Variants in TAFA2 observed in about 807,000 individuals in gnomAD.
The protein encoded by TAFA2 is TAFA chemokine like family member 2.
TAFA2 carries 7 observed loss-of-function variants against 18.8 expected under a neutral mutation model. The ratio of observed to expected loss-of-function variants is 0.37; its 90% CI spans 0.21 to 0.70. The LOEUF is 0.70. Among genes scored for constraint, TAFA2 ranks in the 30% least tolerant of loss-of-function variants. The pLI is 0.53. For synonymous variants in TAFA2, 60 were observed against 54.2 expected (o/e 1.11, Z -0.47); for missense variants, 122 against 158.1 (o/e 0.77, Z 1.23).
At position 61,913,832 on chromosome 12, in the gene TAFA2, G is replaced by T. The variant is rs892558858; in HGVS notation, c.-1-46406C>A. ...GAAGAAGATTCCAGGACAGTCAGACGACAGGAGACACTGGGTGTGATATAT... is the reference window on the plus strand; with the variant it reads ...GAAGAAGATTCCAGGACAGTCAGACTACAGGAGACACTGGGTGTGATATAT... On this transcript the variant is annotated intron_variant, in intron 1 of 4. Transcript: ENST00000416284. Among the ~76,000 whole-genome samples the T allele has an allele frequency of 3.3e-5, 5 of 152,128 alleles. No individual in the cohort carries two copies. The South Asian group carries it at 1.0e-3, about 31-fold the overall frequency.
intron 1 of TAFA2, among the ~76,000 whole-genome samples, chr12:62,236,214 C>T (rs143249216): frequency 2.4e-4 from 37 of 151,454 alleles, no homozygotes; most frequent in East Asian, 2.1e-3. Context: ...TGAATTTATG[C>T]GTGTATTTAC....
chr12:61,907,005 G>A (rs1876385616), intron 1 of TAFA2, among the ~76,000 whole-genome samples: 1 of 152,044 alleles, frequency 6.6e-6, no homozygotes, highest in African/African-American at 2.4e-5. Context: ...TATTCACAAA[G>A]ACATGGTTTG....
chr12:61,991,878 G>A (rs1225675009), intron 1 of TAFA2, among the ~76,000 whole-genome samples: 2 of 152,152 alleles, frequency 1.3e-5, no homozygotes, highest in African/African-American at 4.8e-5. Flanking sequence ...CATCTATTCA[G>A]CAGAATTTGA....
intron 1 of TAFA2, chr12:62,021,474 CT>C (rs34094332): frequency 0.015 from 6,277 of 410,674 alleles, 31 homozygotes; most frequent in African/African-American, 0.037. Flanking sequence ...CTGCATCATT[CT>C]TTTTTTTTTT....
At chr12:62,144,752 G>A (rs1032141434) in intron 1 of TAFA2, among the ~76,000 whole-genome samples, 4 of 152,180 alleles carry the variant, frequency 2.6e-5, no homozygotes, top group Admixed American at 1.3e-4. Context: ...CTATGTCATA[G>A]GATGCCACCA....
At chr12:61,856,278 G>A (rs2121178291) in intron 2 of TAFA2, among the ~76,000 whole-genome samples, 1 of 151,916 alleles carries the variant, frequency 6.6e-6, no homozygotes, top group South Asian at 2.1e-4. Flanking sequence ...TTAAACTACT[G>A]ACTGTTAATT....
rs900138527 is a variant in TAFA2 at position 61,934,461 on chromosome 12, A to G, written c.-1-67035T>C. On this transcript the variant is annotated intron_variant, in intron 1 of 4. Coordinates refer to ENST00000416284, the MANE Select transcript of TAFA2 (RefSeq NM_178539.5). ...CTGGGAGAAAGCCGACAACTAACTC[A>G]CCAGGAATTAATGTTGAGTCCAAAC... is the stretch of plus-strand genomic sequence containing the variant. Among the ~76,000 whole-genome samples, 27 of 152,340 alleles carry G rather than the reference A, an allele frequency of 1.8e-4. 2 individuals carry two copies. The highest frequency in any genetic ancestry group is 1.6e-3 in the Admixed American group (24 of 15,302).
chr12:61,836,910 T>C (rs1027476930), intron 2 of TAFA2, among the ~76,000 whole-genome samples: 1 of 151,284 alleles, frequency 6.6e-6, no homozygotes, highest in Non-Finnish European at 1.5e-5. Context: ...TTGAAAAAGA[T>C]TTTTAACATA....
intron 2 of TAFA2, among the ~76,000 whole-genome samples, chr12:61,858,540 A>C (rs911730836): frequency 6.6e-6 from 1 of 152,146 alleles, no homozygotes; most frequent in Non-Finnish European, 1.5e-5. Flanking sequence ...TTATATTAGT[A>C]TTAACAAATA....
chr12:61,772,496 T>G (rs1027152532), intron 2 of TAFA2, among the ~76,000 whole-genome samples: 8 of 151,712 alleles, frequency 5.3e-5, no homozygotes, highest in African/African-American at 1.5e-4. Context: ...AACAGCATTA[T>G]CAAAAAGATA....
At chr12:62,210,886 GTTAA>G (rs1361873278) in intron 1 of TAFA2, among the ~76,000 whole-genome samples, 3 of 152,228 alleles carry the variant, frequency 2.0e-5, no homozygotes, top group Non-Finnish European at 4.4e-5. Context: ...TAAGGTAGAA[GTTAA>G]TTAGACAGGG....
chr12:62,094,305 G>T (rs1027684504), intron 1 of TAFA2, among the ~76,000 whole-genome samples: 7 of 151,984 alleles, frequency 4.6e-5, no homozygotes, highest in Admixed American at 6.6e-5. Flanking sequence ...GCCTAAGAAT[G>T]ATATAATGGA....
intron 1 of TAFA2, among the ~76,000 whole-genome samples, chr12:62,027,690 AT>A (rs1245047537): frequency 6.6e-6 from 1 of 152,012 alleles, no homozygotes; most frequent in African/African-American, 2.4e-5. Flanking sequence ...TTCAAAGTGT[AT>A]TTTTTTATTC....
At chr12:62,046,067 T>C (rs1257178252) in intron 1 of TAFA2, among the ~76,000 whole-genome samples, 1 of 152,076 alleles carries the variant, frequency 6.6e-6, no homozygotes, top group East Asian at 1.9e-4. Context: ...CCCAGATAGA[T>C]AGGGATACAA....
At chr12:61,895,429 T>C (rs1875799552) in intron 1 of TAFA2, among the ~76,000 whole-genome samples, 4 of 151,958 alleles carry the variant, frequency 2.6e-5, no homozygotes, top group African/African-American at 9.7e-5. Flanking sequence ...ACTCACACAC[T>C]AAAAAAGTGA....
intron 1 of TAFA2, among the ~76,000 whole-genome samples, chr12:62,039,430 A>G (rs912344676): frequency 1.3e-5 from 2 of 152,172 alleles, no homozygotes; most frequent in South Asian, 2.1e-4. Flanking sequence ...GCTGCTATGC[A>G]TAACATATTT....
At chr12:61,997,804 A>ATT (rs968295375) in intron 1 of TAFA2, among the ~76,000 whole-genome samples, 4 of 150,602 alleles carry the variant, frequency 2.7e-5, no homozygotes, top group Non-Finnish European at 5.9e-5. Context: ...TGTTTTTTGG[A>ATT]TTTTTTTTTT....
chr12:61,763,574 G>A (rs1372393313), intron 2 of TAFA2, among the ~76,000 whole-genome samples: 2 of 151,810 alleles, frequency 1.3e-5, no homozygotes, highest in African/African-American at 2.4e-5. Flanking sequence ...TGCTTGTAAG[G>A]CCTGTTCTGG....
intron 1 of TAFA2, among the ~76,000 whole-genome samples, chr12:62,051,556 C>A (rs1208163221): frequency 6.6e-6 from 1 of 151,854 alleles, no homozygotes; most frequent in African/African-American, 2.4e-5. Flanking sequence ...AGGAGAAATT[C>A]AAAAATGTAC....
Sources: gnomAD v4.1 joint callset for allele counts (sites outside exome capture counted in the v4.1 genomes callset) on GRCh38, gnomAD v4.1.1 for gene constraint, MANE v1.5 for transcripts, NCBI Gene and HGNC (gene_info 2026-07-23, HGNC 2026-07-21) for gene names.